NOS2: variants seen among roughly 807,000 people sequenced by gnomAD.
NOS2 encodes nitric oxide synthase 2.
A neutral mutation model predicts 136.0 loss-of-function variants in NOS2; 96 were observed. The observed-to-expected ratio is 0.71, with a 90% CI of 0.60 to 0.84. The LOEUF (loss-of-function observed/expected upper bound fraction) is 0.84, where lower values mean the gene tolerates loss of function less well. Among genes scored for constraint, NOS2 ranks in the 40% least tolerant of loss-of-function variants. The pLI, the probability that NOS2 is intolerant of heterozygous loss-of-function variation, is 0.00. For synonymous variants in NOS2, 539 were observed against 587.5 expected, an observed-to-expected ratio of 0.92 and a Z score of 1.20; for missense variants, 1,237 against 1,496.9, an observed-to-expected ratio of 0.83 and a Z score of 2.87.
At chr17:27,767,970 C>T in intron 17 of NOS2, 133 bp from the exon 18 acceptor site, 4 of 1,119,066 alleles carry the variant, frequency 3.6e-6, no homozygotes, top group Non-Finnish European at 5.1e-6. Flanking sequence ...TCGAAGCACA[C>T]TTACCTGATA....
At chr17:27,770,257 A>T (rs937850244) in intron 15 of NOS2, among the ~76,000 whole-genome samples, 6 of 152,152 alleles carry the variant, frequency 3.9e-5, no homozygotes, top group Non-Finnish European at 8.8e-5. Context: ...AGGCGGGCGG[A>T]TCACCTGAGG....
At chr17:27,760,842 G>C in intron 23 of NOS2, 98 bp from the exon 24 acceptor site, 9 of 1,425,306 alleles carry the variant, frequency 6.3e-6, no homozygotes, top group Non-Finnish European at 8.4e-6. Context: ...AGGCGGTCGT[G>C]AGGGGGTGGA....
At chr17:27,792,815 CAA>C (rs34992777) in intron 2 of NOS2, among the ~76,000 whole-genome samples, 2 of 52,508 alleles carry the variant, frequency 3.8e-5, no homozygotes, top group Non-Finnish European at 6.4e-5. Flanking sequence ...CCTATCTCTA[CAA>C]AAAAAAAAAA....
At chr17:27,784,506 T>C (rs1228834984) in intron 5 of NOS2, among the ~76,000 whole-genome samples, 2 of 152,156 alleles carry the variant, frequency 1.3e-5, no homozygotes, top group Non-Finnish European at 2.9e-5. Flanking sequence ...ACAGTAATGA[T>C]CACCATAACA....
At chr17:27,762,718 G>A (rs1908169744) in intron 22 of NOS2, 80 bp downstream of exon 22, 5 of 1,030,266 alleles carry the variant, frequency 4.9e-6, no homozygotes. Flanking sequence ...AACTGATGAG[G>A]GAGCTGAATC....
chr17:27,757,253 G>A lies in NOS2; in HGVS notation c.3455C>T (p.Ala1152Val), dbSNP rs199955383. The A allele has an allele frequency of 4.2e-5, 67 of 1,613,414 alleles. No homozygotes were observed. The highest frequency in any genetic ancestry group is 6.7e-5 in the East Asian group (3 of 44,884). ...AVQPSSLEMS[A>V]L ...AACCCCTCCTGTAGGCCCTCAGAGC[G>A]CTGACATCTCCAGGCTGCTGGGCTG... is the stretch of plus-strand genomic sequence containing the variant. The change falls in exon 27 of 27, where the codon GCG becomes GTG. Residue 1152 changes from alanine to valine, a missense_variant. Around this residue, in one of 3 missense-constraint regions of NOS2, gnomAD observed 782 missense variants for 909.9 expected, o/e 0.86. Transcript: ENST00000313735.
intron 2 of NOS2, among the ~76,000 whole-genome samples, chr17:27,790,293 C>T (rs991967661): frequency 1.3e-5 from 2 of 152,130 alleles, no homozygotes; most frequent in African/African-American, 4.8e-5. Flanking sequence ...GGGGTTTCAC[C>T]ATGTTGCCCA....
intron 12 of NOS2, among the ~76,000 whole-genome samples, chr17:27,773,468 G>T (rs903864552): frequency 6.6e-6 from 1 of 152,200 alleles, no homozygotes; most frequent in Non-Finnish European, 1.5e-5. Flanking sequence ...ATCGAGGGGG[G>T]GCGGCTAACC....
intron 1 of NOS2, among the ~76,000 whole-genome samples, chr17:27,799,201 A>T (rs2142534109): frequency 6.6e-6 from 1 of 152,326 alleles, no homozygotes; most frequent in African/African-American, 2.4e-5. Flanking sequence ...GCCAGGCTTC[A>T]TCACTGGCCA....
At chr17:27,759,973 G>A (rs184450495) in intron 25 of NOS2, 57 bp downstream of exon 25, 1 of 1,434,090 alleles carries the variant, frequency 7.0e-7, no homozygotes, top group East Asian at 2.6e-5. Flanking sequence ...TGGGGACCCA[G>A]GGCTCACAGT....
At chr17:27,778,845 C>G in intron 10 of NOS2, 37 bp downstream of exon 10, 1 of 1,612,512 alleles carries the variant, frequency 6.2e-7, no homozygotes, top group Non-Finnish European at 8.5e-7. Flanking sequence ...CCCCCAGGCC[C>G]ACACCTTCAT....
At chr17:27,764,946 TGG>T (rs1908249069) in intron 20 of NOS2, among the ~76,000 whole-genome samples, 1 of 152,210 alleles carries the variant, frequency 6.6e-6, no homozygotes, top group African/African-American at 2.4e-5. Flanking sequence ...TCCTGGACAG[TGG>T]GGGTCACTGC....
intron 15 of NOS2, among the ~76,000 whole-genome samples, chr17:27,769,909 C>A (rs1278095681): frequency 6.6e-6 from 1 of 152,154 alleles, no homozygotes; most frequent in African/African-American, 2.4e-5. Flanking sequence ...CCGAATGCGC[C>A]GTGATTCTGT....
intron 5 of NOS2, among the ~76,000 whole-genome samples, chr17:27,787,019 G>C (rs1370522340): frequency 6.6e-6 from 1 of 152,222 alleles, no homozygotes; most frequent in Admixed American, 6.5e-5. Flanking sequence ...ATGGTCCTCA[G>C]GGAAGCCTCA....
chr17:27,756,995 G>A lies in NOS2; in HGVS notation c.*251C>T, dbSNP rs1907945720. The A allele has an allele frequency of 2.3e-6, 1 of 430,984 alleles. No individual in the cohort carries two copies. Among genetic ancestry groups the A allele is most frequent in the African/African-American group, 2.0e-5 (1 of 49,264 alleles). The allele number at this position is 430,984 out of a possible 1,614,324, so 26.7% of individuals were successfully genotyped here. A position where few individuals can be genotyped will look rare whatever the true frequency, so the allele number is the denominator to read the frequency against. ...CATCTTTCACCCACTTGCCAGGCCT[G>A]GCATTTAAGATTTTGTCTCCAAGGG... is the stretch of plus-strand genomic sequence containing the variant. On this transcript the variant is annotated 3_prime_UTR_variant, in exon 27 of 27. Coordinates refer to ENST00000313735, the MANE Select transcript of NOS2 (RefSeq NM_000625.4).
intron 13 of NOS2, 30 bp from the exon 14 acceptor site, chr17:27,772,482 G>A (rs145746860): frequency 1.2e-6 from 2 of 1,610,166 alleles, no homozygotes; most frequent in Non-Finnish European, 1.7e-6. Flanking sequence ...GGCAGGCGCT[G>A]TGTGCTGAGT....
At chr17:27,766,219 T>G (rs1484372752) in intron 19 of NOS2, among the ~76,000 whole-genome samples, 2 of 152,194 alleles carry the variant, frequency 1.3e-5, no homozygotes, top group African/African-American at 4.8e-5. Flanking sequence ...TCAAACAGTT[T>G]AAGTCTCTCT....
At chr17:27,787,657 C>G in intron 5 of NOS2, 21 bp downstream of exon 5, 1 of 1,597,854 alleles carries the variant, frequency 6.3e-7, no homozygotes, top group Non-Finnish European at 8.5e-7. Flanking sequence ...AGGCAGCGAC[C>G]CTGCAGGAGG....
intron 2 of NOS2, among the ~76,000 whole-genome samples, chr17:27,790,088 T>G (rs1909145154): frequency 6.6e-6 from 1 of 152,160 alleles, no homozygotes; most frequent in South Asian, 2.1e-4. Context: ...GGTTGACTGA[T>G]TGACTGATTG....
Sources: gnomAD v4.1 joint callset for allele counts (sites outside exome capture counted in the v4.1 genomes callset) on GRCh38, gnomAD v4.1.1 for gene constraint, gnomAD v4.1.1 regional missense constraint, MANE v1.5 for transcripts, NCBI Gene and HGNC (gene_info 2026-07-23, HGNC 2026-07-21) for gene names.